Variants in TRIM63 observed in about 807,000 individuals in gnomAD.
TRIM63 encodes tripartite motif containing 63.
In TRIM63, 48 loss-of-function variants were observed where a neutral mutation model predicts 46.0. The ratio of observed to expected loss-of-function variants is 1.04; its 90% CI spans 0.83 to 1.33. The LOEUF (loss-of-function observed/expected upper bound fraction) is 1.33, where lower values mean the gene tolerates loss of function less well. TRIM63 is among the 40% of genes most tolerant of loss of function. The probability of loss-of-function intolerance (pLI) is 0.00; values close to 1 mark genes in which losing one functional copy is unlikely to be tolerated. For missense variants in TRIM63, 455 were observed against 441.2 expected, an observed-to-expected ratio of 1.03 and a Z score of -0.28; for synonymous variants, 175 against 162.8, an observed-to-expected ratio of 1.08 and a Z score of -0.57.
At chr1:26,059,830 G>A (rs1473422018) in intron 4 of TRIM63, among the ~76,000 whole-genome samples, 1 of 152,206 alleles carries the variant, frequency 6.6e-6, no homozygotes, top group Non-Finnish European at 1.5e-5. Flanking sequence ...GGCTAGAAAT[G>A]CAGCTCTTAT....
chr1:26,053,663 A>T (rs1394640020), intron 8 of TRIM63, among the ~76,000 whole-genome samples: 1 of 152,226 alleles, frequency 6.6e-6, no homozygotes. Context: ...ATTTAAGAAG[A>T]TCATTTAGAT....
At chr1:26,064,023 C>T (rs2050651058) in intron 2 of TRIM63, among the ~76,000 whole-genome samples, 1 of 152,248 alleles carries the variant, frequency 6.6e-6, no homozygotes, top group Non-Finnish European at 1.5e-5. Context: ...CGGCCAGGCG[C>T]GGTGGCCCAC....
chr1:26,060,235 A>G, intron 4 of TRIM63, 31 bp downstream of exon 4: 5 of 1,598,204 alleles, frequency 3.1e-6, no homozygotes, highest in Non-Finnish European at 4.3e-6. Flanking sequence ...AAAGCTCCAA[A>G]TCCCCAGGCA....
Position 26,057,323 on chromosome 1 carries a change from C to G in TRIM63, c.859G>C (p.Val287Leu). The G allele has an allele frequency of 6.2e-7, 1 of 1,614,074 alleles. No individual in the cohort carries two copies. Among genetic ancestry groups the G allele is most frequent in the East Asian group, 2.2e-5 (1 of 44,884 alleles). ...AGCTGGCAGCCCTTGGAAGCTTCCA[C>G]AATGCTGCAGGGGAGACAGAAAGAG... ...LTAKQLIKSI[V>L]EASKGCQLGK... The change falls in exon 7 of 9, where the codon GTG (valine) becomes CTG (leucine). Residue 287 changes from valine (V) to leucine (L), a missense_variant. By Grantham distance (32) the Val-to-Leu change is conservative (BLOSUM62 1). Transcript: ENST00000374272.
Position 26,051,663 on chromosome 1 carries a change from G to T in TRIM63, c.*210C>A. 1 of 407,026 alleles carries T rather than the reference G, an allele frequency of 2.5e-6. No homozygotes were observed. Among genetic ancestry groups the T allele is most frequent in the Non-Finnish European group, 4.5e-6 (1 of 223,360 alleles). 25.2% of individuals were successfully genotyped at this position (407,026 alleles called of 1,614,324 possible). A position where few individuals can be genotyped will look rare whatever the true frequency, so the allele number is the denominator to read the frequency against. ...TGTCCTGTGTGATTGTTTCAAGCAC[G>T]TTTCCAATTCTGGTTCAGTGTCTGC... On this transcript the variant is annotated 3_prime_UTR_variant, in exon 9 of 9. Coordinates refer to ENST00000374272, the MANE Select transcript of TRIM63 (RefSeq NM_032588.4).
intron 7 of TRIM63, among the ~76,000 whole-genome samples, chr1:26,056,978 G>GTGACCTGACCAAC (rs1364427671): frequency 7.2e-5 from 11 of 152,140 alleles, no homozygotes. Flanking sequence ...GGTCAGGCTG[G>GTGACCTGACCAAC]TCTCAAACTC....
chr1:26,060,061 G>T (rs754343257), intron 4 of TRIM63, among the ~76,000 whole-genome samples: 2 of 152,068 alleles, frequency 1.3e-5, no homozygotes, highest in Non-Finnish European at 2.9e-5. Context: ...CCACATCTTG[G>T]GTGGGGCCGG....
At chr1:26,053,272 G>A (rs929229069) in intron 8 of TRIM63, among the ~76,000 whole-genome samples, 10 of 151,752 alleles carry the variant, frequency 6.6e-5, no homozygotes, top group Non-Finnish European at 7.4e-5. Flanking sequence ...TATTTTTTGA[G>A]ATGGAGTCTC....
At chr1:26,058,337 T>G in intron 5 of TRIM63, 53 bp downstream of exon 5, 4 of 1,514,090 alleles carry the variant, frequency 2.6e-6, no homozygotes, top group South Asian at 1.1e-5. Flanking sequence ...AACTTGAACC[T>G]TAGAGCTGTA....
Position 26,061,088 on chromosome 1 carries a change from G to A in TRIM63, c.501+78C>T, listed in dbSNP as rs2050621254. 2.0e-6 allele frequency: 3 copies of A among 1,477,802 alleles called. No individual in the cohort carries two copies. The South Asian group carries it at 3.8e-5, about 18-fold the overall frequency. The allele number at this position is 1,477,802 out of a possible 1,614,324, so 91.5% of individuals were successfully genotyped here. ...AAAGGCCAGATCAGCAGATCTACAG[G>A]GATCAAATCTGCCTCCTGAATCATC... On this transcript the variant is annotated intron_variant, in intron 3 of 8. Transcript: ENST00000374272.
Position 26,057,635 on chromosome 1 carries a change from T to A in TRIM63, c.847A>T (p.Ile283Phe). The change falls in exon 6 of 9, where the codon ATC (isoleucine) becomes TTC (phenylalanine). Residue 283 changes from isoleucine (I) to phenylalanine (F), a missense_variant. Transcript: ENST00000374272. ...CTCTAGGAAGACACTGACCTTTTGA[T>A]GAGTTGCTTGGCAGTCTGCAGGGGG... ...ATFLLTAKQL[I>F]KSIVEASKGC... The A allele has an allele frequency of 6.2e-7, 1 of 1,610,436 alleles. No individual in the cohort carries two copies. Among genetic ancestry groups the A allele is most frequent in the Non-Finnish European group, 8.5e-7 (1 of 1,178,408 alleles).
At chr1:26,054,046 C>T (rs1026816873) in intron 7 of TRIM63, 82 bp from the exon 8 acceptor site, 27 of 962,558 alleles carry the variant, frequency 2.8e-5, no homozygotes, top group Non-Finnish European at 3.7e-5. Context: ...AGAGAGAGCA[C>T]GGTCTAAACC....
chr1:26,063,225 C>T (rs1045611930), intron 2 of TRIM63, among the ~76,000 whole-genome samples: 6 of 152,114 alleles, frequency 3.9e-5, no homozygotes, highest in East Asian at 1.9e-4. Flanking sequence ...TACCACCATG[C>T]CTGGTGTAGA....
chr1:26,056,679 A>G (rs1276452690), intron 7 of TRIM63, among the ~76,000 whole-genome samples: 1 of 152,072 alleles, frequency 6.6e-6, no homozygotes, highest in Non-Finnish European at 1.5e-5. Context: ...CCATGGATCC[A>G]TATGTAATTT....
chr1:26,053,322 G>A (rs187182413), intron 8 of TRIM63, among the ~76,000 whole-genome samples: 14 of 151,770 alleles, frequency 9.2e-5, no homozygotes, highest in East Asian at 3.9e-4. Flanking sequence ...GCACGATCTC[G>A]GCTCACTGCA....
At chr1:26,064,347 C>T (rs2050654780) in intron 2 of TRIM63, among the ~76,000 whole-genome samples, 1 of 152,108 alleles carries the variant, frequency 6.6e-6, no homozygotes, top group South Asian at 2.1e-4. Flanking sequence ...TGGGGAATCA[C>T]TTGAACCGAG....
rs749050411 is a variant in TRIM63 at position 26,051,863 on chromosome 1, A to G, written c.*10T>C. ...CTCTGCATCTGGGGGCCTCTCATTC[A>G]TCCAGCTCCTTACTGGTGTCCTGAA... On this transcript the variant is annotated 3_prime_UTR_variant, in exon 9 of 9. Coordinates refer to ENST00000374272, the MANE Select transcript of TRIM63 (RefSeq NM_032588.4). The G allele has an allele frequency of 7.5e-7, 1 of 1,336,356 alleles. No individual in the cohort carries two copies. The highest frequency in any genetic ancestry group is 3.0e-5 in the Admixed American group (1 of 33,126). 82.8% of individuals were successfully genotyped at this position (1,336,356 alleles called of 1,614,324 possible). A position where few individuals can be genotyped will look rare whatever the true frequency, so the allele number is the denominator to read the frequency against.
intron 2 of TRIM63, among the ~76,000 whole-genome samples, chr1:26,062,833 A>G (rs544374684): frequency 2.0e-5 from 3 of 151,430 alleles, no homozygotes; most frequent in African/African-American, 7.3e-5. Flanking sequence ...GTGTGATCTT[A>G]GCTCACTGCA....
rs1325783461 is a variant in TRIM63 at position 26,066,263 on chromosome 1, C to A, written c.332+5G>T. ...GGCGGGCCCCCAGCAGGCACGAGAACCGACCTGGAGCACTCCTGTTTGTAG... is the reference window on the plus strand; with the variant it reads ...GGCGGGCCCCCAGCAGGCACGAGAAACGACCTGGAGCACTCCTGTTTGTAG... On this transcript the variant is annotated splice_donor_5th_base_variant and intron_variant, in intron 2 of 8. Transcript: ENST00000374272. 2 of 1,613,996 alleles carry A rather than the reference C, an allele frequency of 1.2e-6. No homozygotes were observed. The highest frequency in any genetic ancestry group is 3.3e-5 in the Admixed American group (2 of 60,016).
Sources: allele counts gnomAD v4.1 joint callset (sites outside exome capture counted in the v4.1 genomes callset), GRCh38; gene constraint gnomAD v4.1.1; transcripts MANE v1.5; gene names NCBI Gene and HGNC (gene_info 2026-07-23, HGNC 2026-07-21).